Variants in ADAMTS18 observed in about 807,000 individuals in gnomAD.
The protein encoded by ADAMTS18 is ADAM metallopeptidase with thrombospondin type 1 motif 18, also known as A disintegrin and metalloproteinase with thrombospondin motifs 18.
A neutral mutation model predicts 165.9 loss-of-function variants in ADAMTS18; 157 were observed. The ratio of observed to expected loss-of-function variants is 0.95; its 90% CI spans 0.83 to 1.08. The LOEUF is 1.08. Ranked by LOEUF, ADAMTS18 falls within the 50% of genes least tolerant of loss-of-function variation. The probability of loss-of-function intolerance (pLI) is 0.00; values close to 1 mark genes in which losing one functional copy is unlikely to be tolerated. For missense variants in ADAMTS18, 2,040 were observed against 1,534.0 expected (o/e 1.33, Z -5.51); for synonymous variants, 782 against 578.2 (o/e 1.35, Z -5.06).
At chr16:77,328,062 A>G (rs1313779321) in intron 12 of ADAMTS18, among the ~76,000 whole-genome samples, 5 of 152,178 alleles carry the variant, frequency 3.3e-5, no homozygotes, top group Non-Finnish European at 7.4e-5. Flanking sequence ...TTTCCTGCCA[A>G]GCACAATGGG....
intron 2 of ADAMTS18, among the ~76,000 whole-genome samples, chr16:77,433,677 C>G (rs925176326): frequency 6.6e-6 from 1 of 152,208 alleles, no homozygotes; most frequent in Non-Finnish European, 1.5e-5. Context: ...CTAAAAATTA[C>G]AGAATTCTAA....
At chr16:77,415,904 T>C (rs944729823) in intron 3 of ADAMTS18, among the ~76,000 whole-genome samples, 1 of 152,120 alleles carries the variant, frequency 6.6e-6, no homozygotes, top group Non-Finnish European at 1.5e-5. Flanking sequence ...CATACATTCA[T>C]GTAACAAACG....
chr16:77,350,460 C>A (rs1044695559), intron 10 of ADAMTS18, among the ~76,000 whole-genome samples: 1 of 152,010 alleles, frequency 6.6e-6, no homozygotes, highest in Non-Finnish European at 1.5e-5. Context: ...TGCGACTGTA[C>A]CAAGAGATGA....
intron 11 of ADAMTS18, among the ~76,000 whole-genome samples, chr16:77,340,189 A>G (rs2056377231): frequency 6.6e-6 from 1 of 152,038 alleles, no homozygotes; most frequent in Admixed American, 6.6e-5. Flanking sequence ...TTTTTAATTT[A>G]TTTTTGAGAG....
At chr16:77,375,134 A>T (rs550171466) in intron 3 of ADAMTS18, among the ~76,000 whole-genome samples, 189 of 152,184 alleles carry the variant, frequency 1.2e-3, no homozygotes, top group Middle Eastern at 3.4e-3. Context: ...TCAATGGGGG[A>T]ACCAGGGGCT....
rs1174152954 is a variant in ADAMTS18, at chr16:77,321,209, C to T, written c.2164-7G>A. The T allele has an allele frequency of 6.2e-7, 1 of 1,613,440 alleles. No individual in the cohort carries two copies. The highest frequency in any genetic ancestry group is 8.5e-7 in the Non-Finnish European group (1 of 1,179,774). ...CATGATCACATCCCACTAGCTGTGACAAAAACAAAAAACGTGAGAAAATAA... is the reference window on the plus strand; with the variant it reads ...CATGATCACATCCCACTAGCTGTGATAAAAACAAAAAACGTGAGAAAATAA... On this transcript the variant is annotated splice_region_variant and splice_polypyrimidine_tract_variant and intron_variant, in intron 14 of 22. Coordinates refer to ENST00000282849, the MANE Select transcript of ADAMTS18 (RefSeq NM_199355.4).
chr16:77,359,431 A>T lies in ADAMTS18; in HGVS notation c.1217-8T>A. On this transcript the variant is annotated splice_polypyrimidine_tract_variant and splice_region_variant and intron_variant, in intron 7 of 22. Coordinates refer to ENST00000282849, the MANE Select transcript of ADAMTS18 (RefSeq NM_199355.4). ...CACTGATGGGGGCAAACCCTATTGA[A>T]AGAGCAGTTTCAAATGTGAATCCAA... The T allele has an allele frequency of 6.2e-7, 1 of 1,611,414 alleles. No individual in the cohort carries two copies. The highest frequency in any genetic ancestry group is 8.5e-7 in the Non-Finnish European group (1 of 1,178,582).
intron 10 of ADAMTS18, among the ~76,000 whole-genome samples, chr16:77,342,886 C>T (rs944202860): frequency 2.0e-5 from 3 of 151,966 alleles, no homozygotes; most frequent in African/African-American, 7.3e-5. Flanking sequence ...GAAAGAGGAG[C>T]TTAGAAGAGA....
At position 77,297,335 on chromosome 16, in the gene ADAMTS18, G is replaced by A; in HGVS notation, c.2755C>T (p.Pro919Ser). 6.2e-7 allele frequency: 1 copy of A among 1,614,112 alleles called. No homozygotes were observed. The change falls in exon 18 of 23, where the codon CCA becomes TCA. Residue 919 changes from proline to serine, a missense_variant. Physicochemically the swap from Pro to Ser is moderately conservative, Grantham distance 74. Coordinates refer to ENST00000282849, the MANE Select transcript of ADAMTS18 (RefSeq NM_199355.4). ...TTGCAGATTTTGGGCTCAGTTACTGGCTTGGTTTTTGCACTGCAGAATGAG... is the reference window on the plus strand; with the variant it reads ...TTGCAGATTTTGGGCTCAGTTACTGACTTGGTTTTTGCACTGCAGAATGAG... ...NSSFCSAKTKPVTEPKICNAF... is the reference protein window; with the variant it reads ...NSSFCSAKTKSVTEPKICNAF...
rs2056553532 is a variant in ADAMTS18, at chr16:77,351,377, C to T, written c.1614+2356G>A. On this transcript the variant is annotated intron_variant, in intron 10 of 22. Coordinates refer to ENST00000282849, the MANE Select transcript of ADAMTS18 (RefSeq NM_199355.4). ...CATGAAAGACCATCAGAATGAGAAG[C>T]TGTCTTTTAAAAATATAGTGAGGTC... Among the ~76,000 whole-genome samples, 6 of 152,150 alleles carry T rather than the reference C, an allele frequency of 3.9e-5. No homozygotes were observed. In the South Asian group the frequency reaches 1.2e-3, roughly 32 times the overall value.
chr16:77,309,956 C>T (rs139005723), intron 16 of ADAMTS18, among the ~76,000 whole-genome samples: 187 of 152,274 alleles, frequency 1.2e-3, no homozygotes, highest in African/African-American at 4.1e-3. Context: ...AATTTCATTA[C>T]TTTAAATGCT....
intron 3 of ADAMTS18, among the ~76,000 whole-genome samples, chr16:77,393,186 T>G (rs12373077): frequency 0.48 from 72,358 of 152,038 alleles, 17,912 homozygotes; most frequent in Non-Finnish European, 0.56. Context: ...ACTTGTTCAA[T>G]GTCATGGAGT....
chr16:77,291,411 C>T lies in ADAMTS18; in HGVS notation c.3257G>A (p.Gly1086Glu), dbSNP rs750140353. ...EMKCSEKGFQ[G>E]KLITFPERRC... Reference sequence around the variant, plus strand: ...TCGCTCTGGGAAAGTTATCAGCTTTCCCTGGAAGCCCTTCTCGCTGCACTT... The same window carrying T: ...TCGCTCTGGGAAAGTTATCAGCTTTTCCTGGAAGCCCTTCTCGCTGCACTT... Residue 1086 changes from glycine to glutamate, a missense_variant, in exon 21 of 23, where the codon GGA becomes GAA. Coordinates refer to ENST00000282849, the MANE Select transcript of ADAMTS18 (RefSeq NM_199355.4). The T allele has an allele frequency of 4.3e-6, 7 of 1,614,136 alleles. No homozygotes were observed. In the South Asian group the frequency reaches 7.7e-5, roughly 18 times the overall value.
chr16:77,286,611 G>C (rs79894376), intron 22 of ADAMTS18, among the ~76,000 whole-genome samples: 2,111 of 152,196 alleles, frequency 0.014, 52 homozygotes, highest in African/African-American at 0.049. Context: ...TGTCAAGTCA[G>C]TGTGGATTCA....
intron 16 of ADAMTS18, among the ~76,000 whole-genome samples, chr16:77,318,545 A>C (rs2055928629): frequency 6.6e-6 from 1 of 152,220 alleles, no homozygotes; most frequent in Admixed American, 6.5e-5. Context: ...TGAATGCATG[A>C]AACTGATCAC....
intron 22 of ADAMTS18, among the ~76,000 whole-genome samples, chr16:77,286,311 C>A (rs927771273): frequency 6.6e-6 from 1 of 152,128 alleles, no homozygotes; most frequent in African/African-American, 2.4e-5. Context: ...CACCCCTTCA[C>A]CCCTGCTACT....
chr16:77,304,302 A>G (rs913677467), intron 16 of ADAMTS18, among the ~76,000 whole-genome samples: 2 of 152,280 alleles, frequency 1.3e-5, no homozygotes, highest in Non-Finnish European at 1.5e-5. Flanking sequence ...CTAAAATAAA[A>G]TTTTAAAAAA....
chr16:77,291,626 C>G, intron 20 of ADAMTS18, 148 bp from the exon 21 acceptor site: 1 of 852,506 alleles, frequency 1.2e-6, no homozygotes, highest in South Asian at 1.4e-5. Context: ...GAGGATCTTA[C>G]AGATACAGCA....
At chr16:77,413,757 A>G (rs2144833810) in intron 3 of ADAMTS18, among the ~76,000 whole-genome samples, 1 of 151,846 alleles carries the variant, frequency 6.6e-6, no homozygotes, top group South Asian at 2.1e-4. Context: ...TAAGAAAGTT[A>G]TTACAAAAAC....
Sources: allele counts gnomAD v4.1 joint callset (sites outside exome capture counted in the v4.1 genomes callset), GRCh38; gene constraint gnomAD v4.1.1; transcripts MANE v1.5; gene names NCBI Gene and HGNC (gene_info 2026-07-23, HGNC 2026-07-21).